DDX10: variants seen among roughly 807,000 people sequenced by gnomAD.
DDX10 encodes probable ATP-dependent RNA helicase DDX10.
Under a neutral mutation model 104.3 loss-of-function variants are expected in DDX10, and 74 were observed. The observed-to-expected ratio is 0.71, with a 90% CI of 0.59 to 0.86. DDX10 has a LOEUF of 0.86. DDX10 is among the 40% of genes least tolerant of loss of function. The pLI, the probability that DDX10 is intolerant of heterozygous loss-of-function variation, is 0.00. For missense variants in DDX10, 952 were observed against 1,040.0 expected, an observed-to-expected ratio of 0.92 and a Z score of 1.16; for synonymous variants, 351 against 353.4, an observed-to-expected ratio of 0.99 and a Z score of 0.08.
intron 7 of DDX10, 45 bp downstream of exon 7, chr11:108,689,107 C>T (rs776223851): frequency 6.3e-7 from 1 of 1,597,970 alleles, no homozygotes; most frequent in Admixed American, 1.7e-5. Context: ...TTGAATGTCC[C>T]TTTTGAAATG....
chr11:108,765,498 G>T (rs752565373), intron 13 of DDX10, among the ~76,000 whole-genome samples: 1 of 152,104 alleles, frequency 6.6e-6, no homozygotes, highest in Non-Finnish European at 1.5e-5. Context: ...TTTAAGTTTG[G>T]CCCAGAAAAA....
rs1484219200 is a variant in DDX10, at chr11:108,691,907, T to C, written c.1007T>C (p.Leu336Pro). 1.2e-6 allele frequency: 2 copies of C among 1,614,024 alleles called. No homozygotes were observed. The highest frequency in any genetic ancestry group is 1.3e-5 in the African/African-American group (1 of 74,922). The part of the protein sequence containing the change: ...VQYLYRVFCR[L>P]RPGVSILALH... ...TATCTGTACCGAGTGTTTTGCCGGC[T>C]ACGTCCTGGTGTTTCTATCCTTGCA... Residue 336 changes from leucine to proline, a missense_variant, in exon 8 of 18, where the codon CTA becomes CCA. Transcript: ENST00000322536.
chr11:108,744,414 C>T lies in DDX10; in HGVS notation c.1965+20952C>T, dbSNP rs761321300. 2.4e-4 allele frequency among the ~76,000 whole-genome samples: 36 copies of T among 152,176 alleles called. No homozygotes were observed. In the Middle Eastern group the frequency reaches 0.014, roughly 58 times the overall value. The stretch of plus-strand genomic sequence containing the variant: ...GTCTGTTGAGATCTCTGTTAAAAAA[C>T]AAAAAACAACAATCCACAGCCACTT... On this transcript the variant is annotated intron_variant, in intron 13 of 17. Coordinates refer to ENST00000322536, the MANE Select transcript of DDX10 (RefSeq NM_004398.4).
chr11:108,816,389 C>T (rs147387761), intron 13 of DDX10, among the ~76,000 whole-genome samples: 81 of 152,240 alleles, frequency 5.3e-4, no homozygotes, highest in African/African-American at 1.8e-3. Context: ...TCAGTCACTT[C>T]GGACTCAGAC....
intron 13 of DDX10, among the ~76,000 whole-genome samples, chr11:108,733,734 T>C (rs980100814): frequency 2.6e-5 from 4 of 152,178 alleles, no homozygotes; most frequent in Non-Finnish European, 5.9e-5. Flanking sequence ...TGCCCCCAGA[T>C]TCTTATTACC....
At chr11:108,776,875 T>A (rs768581958) in intron 13 of DDX10, among the ~76,000 whole-genome samples, 3 of 152,150 alleles carry the variant, frequency 2.0e-5, no homozygotes, top group Non-Finnish European at 4.4e-5. Context: ...GGAAGTAAAT[T>A]TTGCCAACAA....
chr11:108,783,861 T>G (rs1861746608), intron 13 of DDX10, among the ~76,000 whole-genome samples: 1 of 152,162 alleles, frequency 6.6e-6, no homozygotes, highest in South Asian at 2.1e-4. Flanking sequence ...TTCTCATCGT[T>G]ATGTCTGTGT....
chr11:108,696,689 G>T (rs369777646), intron 9 of DDX10, among the ~76,000 whole-genome samples: 50 of 152,098 alleles, frequency 3.3e-4, no homozygotes, highest in African/African-American at 1.2e-3. Flanking sequence ...TTGGGCCAGG[G>T]GTGTAGGCGC....
intron 13 of DDX10, among the ~76,000 whole-genome samples, chr11:108,783,167 C>T (rs1208503724): frequency 6.6e-6 from 1 of 152,108 alleles, no homozygotes; most frequent in African/African-American, 2.4e-5. Context: ...ACTATTTCTT[C>T]TATTAGACTG....
intron 13 of DDX10, among the ~76,000 whole-genome samples, chr11:108,823,081 G>C (rs375256028): frequency 6.6e-6 from 1 of 152,128 alleles, no homozygotes; most frequent in East Asian, 1.9e-4. Context: ...ATCCTGGAGG[G>C]TCCTTTTACC....
At chr11:108,788,667 A>G (rs879715701) in intron 13 of DDX10, among the ~76,000 whole-genome samples, 7 of 152,358 alleles carry the variant, frequency 4.6e-5, no homozygotes, top group Non-Finnish European at 8.8e-5. Flanking sequence ...CCAGCCCTGT[A>G]GCTAGATTTT....
chr11:108,679,781 G>C (rs1281079126), intron 6 of DDX10, among the ~76,000 whole-genome samples: 1 of 152,124 alleles, frequency 6.6e-6, no homozygotes, highest in Non-Finnish European at 1.5e-5. Flanking sequence ...TCTGGGAGGG[G>C]AACAAATGTT....
chr11:108,895,472 C>G (rs1193321469), intron 16 of DDX10, among the ~76,000 whole-genome samples: 1 of 151,938 alleles, frequency 6.6e-6, no homozygotes, highest in East Asian at 1.9e-4. Context: ...TATATCATGA[C>G]TAGATCCCAA....
intron 15 of DDX10, among the ~76,000 whole-genome samples, chr11:108,842,203 A>G (rs887662531): frequency 3.9e-5 from 6 of 152,320 alleles, no homozygotes; most frequent in African/African-American, 1.4e-4. Context: ...ATACCATTAT[A>G]CTACTTAATT....
chr11:108,812,595 GTTC>G (rs1862198377), intron 13 of DDX10, among the ~76,000 whole-genome samples: 2 of 152,172 alleles, frequency 1.3e-5, no homozygotes, highest in South Asian at 2.1e-4. Context: ...ACTTATGCAT[GTTC>G]TTCTGTAACT....
At chr11:108,768,516 C>G (rs758752362) in intron 13 of DDX10, among the ~76,000 whole-genome samples, 4 of 152,158 alleles carry the variant, frequency 2.6e-5, no homozygotes, top group Non-Finnish European at 4.4e-5. Context: ...TATCAGTATC[C>G]TGACTTATTT....
chr11:108,827,590 G>A (rs553708952), intron 13 of DDX10, among the ~76,000 whole-genome samples: 9 of 152,184 alleles, frequency 5.9e-5, no homozygotes, highest in Middle Eastern at 3.4e-3. Flanking sequence ...CTTCTTAAAC[G>A]ATTATAAATT....
chr11:108,837,226 G>C (rs942598556), intron 13 of DDX10, among the ~76,000 whole-genome samples: 1 of 152,158 alleles, frequency 6.6e-6, no homozygotes, highest in Non-Finnish European at 1.5e-5. Context: ...GTTAGGTAAT[G>C]GTAACTAATC....
intron 13 of DDX10, among the ~76,000 whole-genome samples, chr11:108,814,096 C>G (rs957834436): frequency 6.6e-6 from 1 of 152,064 alleles, no homozygotes; most frequent in African/African-American, 2.4e-5. Flanking sequence ...GTCTCCTTCT[C>G]CCTATCCTTT....
Sources: gnomAD v4.1 joint callset for allele counts (sites outside exome capture counted in the v4.1 genomes callset) on GRCh38, gnomAD v4.1.1 for gene constraint, MANE v1.5 for transcripts, NCBI Gene and HGNC (gene_info 2026-07-23, HGNC 2026-07-21) for gene names.